CNTNAP2: variants seen among roughly 807,000 people sequenced by gnomAD.
CNTNAP2 encodes contactin associated protein 2, also known as contactin-associated protein-like 2.
CNTNAP2 carries 98 observed loss-of-function variants against 155.2 expected under a neutral mutation model. The observed-to-expected ratio is 0.63, with a 90% CI of 0.54 to 0.75. The LOEUF (loss-of-function observed/expected upper bound fraction) is 0.75. Among genes scored for constraint, CNTNAP2 ranks in the 30% least tolerant of loss-of-function variants. CNTNAP2 has a pLI of 0.00. For synonymous variants in CNTNAP2, 651 were observed against 631.2 expected, an observed-to-expected ratio of 1.03 and a Z score of -0.47; for missense variants, 1,727 against 1,688.1, an observed-to-expected ratio of 1.02 and a Z score of -0.40.
chr7:147,851,951 A>T (rs987912994), intron 13 of CNTNAP2, among the ~76,000 whole-genome samples: 11 of 152,034 alleles, frequency 7.2e-5, no homozygotes, highest in Admixed American at 3.3e-4. Context: ...TGATTTGTTT[A>T]AAAAAAATCA....
In CNTNAP2 at chr7:147,977,974, C is replaced by A. The variant is rs200089329; in HGVS notation, c.2368C>A (p.Arg790Ser). Reference protein sequence around the residue: ...SEAKLSVGPLRCQGDRNYWNA... With the variant: ...SEAKLSVGPLSCQGDRNYWNA... ...AGCCAAATTGAGCGTAGGTCCTCTG[C>A]GCTGCCAAGGAGACAGTAAGTTTGC... The change falls in exon 15 of 24, where the codon CGC becomes AGC. Residue 790 changes from arginine to serine, a missense_variant. By Grantham distance (110) the Arg-to-Ser change is moderately radical (BLOSUM62 -1). Coordinates refer to ENST00000361727, the MANE Select transcript of CNTNAP2 (RefSeq NM_014141.6). 2.5e-6 allele frequency: 4 copies of A among 1,613,864 alleles called. No homozygotes were observed. The highest frequency in any genetic ancestry group is 1.7e-5 in the Admixed American group (1 of 59,984).
At chr7:147,164,549 AC>A (rs1802083681) in intron 8 of CNTNAP2, among the ~76,000 whole-genome samples, 1 of 152,228 alleles carries the variant, frequency 6.6e-6, no homozygotes, top group African/African-American at 2.4e-5. Flanking sequence ...GAGATAGTTA[AC>A]ATAAGGAGGA....
chr7:147,266,070 C>T (rs1040340128), intron 8 of CNTNAP2, among the ~76,000 whole-genome samples: 29 of 152,240 alleles, frequency 1.9e-4, no homozygotes, highest in African/African-American at 6.7e-4. Context: ...CTCAAAAGGC[C>T]AGAGTGCCTC....
chr7:147,897,871 G>A (rs1314056665), intron 13 of CNTNAP2, among the ~76,000 whole-genome samples: 1 of 152,142 alleles, frequency 6.6e-6, no homozygotes, highest in Non-Finnish European at 1.5e-5. Context: ...CACTTACCCT[G>A]ATGGAAAAAG....
chr7:147,752,244 T>C (rs569313257), intron 13 of CNTNAP2, among the ~76,000 whole-genome samples: 1 of 152,332 alleles, frequency 6.6e-6, no homozygotes, highest in South Asian at 2.1e-4. Context: ...TCAGAATGTA[T>C]AGTAATTTGT....
intron 3 of CNTNAP2, among the ~76,000 whole-genome samples, chr7:146,975,563 T>A (rs556933555): frequency 1.3e-5 from 2 of 152,152 alleles, no homozygotes; most frequent in African/African-American, 4.8e-5. Flanking sequence ...GCGTGAAGTA[T>A]AGTCAGTTCG....
chr7:147,384,861 C>T (rs543243112), intron 9 of CNTNAP2, among the ~76,000 whole-genome samples: 60 of 152,278 alleles, frequency 3.9e-4, no homozygotes, highest in African/African-American at 1.3e-3. Flanking sequence ...CCTCCTTCAA[C>T]GTTTGTTACT....
intron 1 of CNTNAP2, among the ~76,000 whole-genome samples, chr7:146,638,895 T>C (rs1472752992): frequency 2.0e-5 from 3 of 152,160 alleles, no homozygotes; most frequent in African/African-American, 7.2e-5. Context: ...GATCCTACTA[T>C]ACACCTAAGG....
intron 1 of CNTNAP2, among the ~76,000 whole-genome samples, chr7:146,595,595 G>C (rs1456032392): frequency 1.3e-5 from 2 of 151,968 alleles, no homozygotes; most frequent in African/African-American, 4.8e-5. Context: ...ACAGTAGGTG[G>C]AAATATACTC....
At chr7:147,611,151 G>A (rs1801177313) in intron 12 of CNTNAP2, among the ~76,000 whole-genome samples, 1 of 152,084 alleles carries the variant, frequency 6.6e-6, no homozygotes, top group Non-Finnish European at 1.5e-5. Context: ...TTAAATAACA[G>A]GGAGCGTTCT....
At chr7:148,328,194 C>T (rs937733079) in intron 21 of CNTNAP2, among the ~76,000 whole-genome samples, 1 of 152,056 alleles carries the variant, frequency 6.6e-6, no homozygotes, top group Non-Finnish European at 1.5e-5. Flanking sequence ...GACTCTGAGG[C>T]AAGCGGGGAG....
Position 147,079,524 on chromosome 7 carries a change from A to G in CNTNAP2, c.551-28623A>G, listed in dbSNP as rs1291076334. 2.6e-5 allele frequency among the ~76,000 whole-genome samples: 4 copies of G among 151,860 alleles called. No homozygotes were observed. In the East Asian group the frequency reaches 7.7e-4, roughly 29 times the overall value. On this transcript the variant is annotated intron_variant, in intron 4 of 23. Coordinates refer to ENST00000361727, the MANE Select transcript of CNTNAP2 (RefSeq NM_014141.6). Reference sequence around the variant, plus strand: ...ACAAGTTAATGGTTGCGGCACACCAACATGGCATATGTATACATATGTAAC... The same window carrying G: ...ACAAGTTAATGGTTGCGGCACACCAGCATGGCATATGTATACATATGTAAC...
intron 1 of CNTNAP2, among the ~76,000 whole-genome samples, chr7:146,261,335 T>A (rs557526650): frequency 1.3e-5 from 2 of 151,936 alleles, no homozygotes; most frequent in East Asian, 3.9e-4. Flanking sequence ...ATGTGAAAAG[T>A]TCCCACAATT....
intron 3 of CNTNAP2, among the ~76,000 whole-genome samples, chr7:146,926,452 A>G (rs965639667): frequency 7.2e-5 from 11 of 152,124 alleles, no homozygotes; most frequent in African/African-American, 2.7e-4. Context: ...CTTTTCCATG[A>G]ATTAGACTGT....
intron 10 of CNTNAP2, among the ~76,000 whole-genome samples, chr7:147,416,500 A>T (rs767595259): frequency 1.3e-5 from 2 of 152,218 alleles, no homozygotes; most frequent in Non-Finnish European, 2.9e-5. Context: ...CAGTGTTCAC[A>T]GTGCCCCATA....
intron 1 of CNTNAP2, among the ~76,000 whole-genome samples, chr7:146,683,590 G>A (rs574877587): frequency 5.1e-4 from 78 of 152,144 alleles, no homozygotes; most frequent in Non-Finnish European, 7.3e-4. Flanking sequence ...TAAACAGGCT[G>A]AAACAATAAA....
At chr7:147,525,772 C>T (rs1799307781) in intron 11 of CNTNAP2, among the ~76,000 whole-genome samples, 1 of 152,172 alleles carries the variant, frequency 6.6e-6, no homozygotes, top group South Asian at 2.1e-4. Flanking sequence ...TATTTACTAA[C>T]TGTATTAATA....
chr7:146,476,920 A>T (rs1796886167), intron 1 of CNTNAP2, among the ~76,000 whole-genome samples: 2 of 152,148 alleles, frequency 1.3e-5, no homozygotes, highest in Admixed American at 1.3e-4. Flanking sequence ...ATTTTCTATC[A>T]ATTTTAAACA....
At chr7:147,352,692 T>C (rs560762451) in intron 9 of CNTNAP2, among the ~76,000 whole-genome samples, 8 of 152,154 alleles carry the variant, frequency 5.3e-5, no homozygotes, top group African/African-American at 1.9e-4. Context: ...GGTAGAATTC[T>C]CATTGTTAAT....
Sources: gnomAD v4.1 joint callset for allele counts (sites outside exome capture counted in the v4.1 genomes callset) on GRCh38, gnomAD v4.1.1 for gene constraint, MANE v1.5 for transcripts, NCBI Gene and HGNC (gene_info 2026-07-23, HGNC 2026-07-21) for gene names.